Variants in TENM4 observed in about 807,000 individuals in gnomAD.
The protein encoded by TENM4 is teneurin-4.
TENM4 carries 82 observed loss-of-function variants against 243.3 expected under a neutral mutation model. The ratio of observed to expected loss-of-function variants is 0.34; its 90% CI spans 0.28 to 0.40. The LOEUF (loss-of-function observed/expected upper bound fraction) is 0.40, where lower values mean the gene tolerates loss of function less well. Among genes scored for constraint, TENM4 ranks in the 10% least tolerant of loss-of-function variants. TENM4 has a pLI of 1.00. For synonymous variants in TENM4, 1,412 were observed against 1,456.3 expected (o/e 0.97, Z 0.69); for missense variants, 3,138 against 3,673.3 (o/e 0.85, Z 3.77).
chr11:78,864,433 CAAAAAAAAAAAAA>C (rs145489804), intron 9 of TENM4, among the ~76,000 whole-genome samples: 21 of 36,210 alleles, frequency 5.8e-4, no homozygotes, highest in Admixed American at 3.3e-3. Context: ...GACTCCGTCT[CAAAAAAAAAAAAA>C]AAAAAAAAAA....
chr11:78,690,500 A>G (rs1216580850), intron 28 of TENM4, among the ~76,000 whole-genome samples: 1 of 152,208 alleles, frequency 6.6e-6, no homozygotes, highest in Admixed American at 6.5e-5. Flanking sequence ...CATAATCAGA[A>G]AAGTGTTGTG....
At chr11:78,805,242 C>G in intron 15 of TENM4, 50 bp downstream of exon 15, 1 of 141,348 alleles carries the variant, frequency 7.1e-6, no homozygotes, top group Non-Finnish European at 1.0e-5. Flanking sequence ...GACCATGTCA[C>G]AGTGGAAATC....
intron 28 of TENM4, among the ~76,000 whole-genome samples, chr11:78,694,006 C>G (rs188990280): frequency 6.6e-6 from 1 of 152,098 alleles, no homozygotes; most frequent in South Asian, 2.1e-4. Context: ...CAGAGTGAGA[C>G]TCCATCTCAA....
At chr11:78,718,354 C>T (rs574326) in intron 25 of TENM4, among the ~76,000 whole-genome samples, 3 of 152,022 alleles carry the variant, frequency 2.0e-5, no homozygotes, top group Non-Finnish European at 2.9e-5. Context: ...AATTAATTGA[C>T]GAAGGGTTTA....
chr11:78,945,968 A>G (rs186219753), intron 6 of TENM4, among the ~76,000 whole-genome samples: 1 of 152,358 alleles, frequency 6.6e-6, no homozygotes, highest in East Asian at 1.9e-4. Context: ...AGCAGCCTCC[A>G]TAACATAAAA....
chr11:79,427,209 A>G (rs1168293970), intron 1 of TENM4, among the ~76,000 whole-genome samples: 1 of 152,220 alleles, frequency 6.6e-6, no homozygotes, highest in Non-Finnish European at 1.5e-5. Flanking sequence ...CCACAGGCCC[A>G]TCACGGATCA....
Position 78,658,358 on chromosome 11 carries a change from G to A in TENM4, c.8010C>T (p.Tyr2670=), listed in dbSNP as rs34562198. 9,830 of 1,613,878 alleles carry A rather than the reference G, an allele frequency of 6.1e-3. 43 individuals are homozygous for A. The highest frequency in any genetic ancestry group is 7.8e-3 in the Middle Eastern group (47 of 6,062). Residue 2670 remains tyrosine, a synonymous_variant, in exon 34 of 34, where the codon TAC becomes TAT. Coordinates refer to ENST00000278550, the MANE Select transcript of TENM4 (RefSeq NM_001098816.3). ...AGCGTGTGTTCAAGCACAGTGCCCC[G>A]TACTGGAGCTGGATGTCTGTGTAGC... ...TRRYTDIQLQ[Y]GALCLNTRYG... is the part of the protein sequence containing the mutation.
At position 78,903,370 on chromosome 11, in the gene TENM4, G is replaced by A. The variant is rs774156074; in HGVS notation, c.647C>T (p.Thr216Met). The A allele has an allele frequency of 6.6e-7, 1 of 1,515,712 alleles. No individual in the cohort carries two copies. Among genetic ancestry groups the A allele is most frequent in the Non-Finnish European group, 8.8e-7 (1 of 1,131,262 alleles). 93.9% of individuals were successfully genotyped at this position (1,515,712 alleles called of 1,614,324 possible). Reference sequence around the variant, plus strand: ...GGGCTCTCCGGAGAGCGAGTGGTCCGTGGGGGCCGGGCTGGGGTTGCTCCT... The same window carrying A: ...GGGCTCTCCGGAGAGCGAGTGGTCCATGGGGGCCGGGCTGGGGTTGCTCCT... ...TPRSNPSPAP[T>M]DHSLSGEPPA... Residue 216 changes from threonine (T) to methionine (M), a missense_variant, in exon 7 of 34, where the codon ACG becomes ATG. This residue lies in a region of TENM4 where 671 missense variants were observed against 614.1 expected (regional missense o/e 1.09). Transcript: ENST00000278550.
At position 79,295,900 on chromosome 11, in the gene TENM4, C is replaced by CACACAT. The variant is rs1394551778; in HGVS notation, c.-265+1587_-265+1588insATGTGT. ...AGAATTGCCTCCCAGGGATTAAACACACACACACACACACACACACACACA... is the reference window on the plus strand; with the variant it reads ...AGAATTGCCTCCCAGGGATTAAACACACACATACACACACACACACACACACACACA... On this transcript the variant is annotated intron_variant, in intron 2 of 33. Transcript: ENST00000278550. Among the ~76,000 whole-genome samples the CACACAT allele has an allele frequency of 8.0e-4, 112 of 140,348 alleles. 1 individual carries two copies. The highest frequency in any genetic ancestry group is 3.5e-3 in the Middle Eastern group (1 of 282). 92.1% of individuals were successfully genotyped at this position (140,348 alleles called of 152,430 possible). A position where few individuals can be genotyped will look rare whatever the true frequency, so the allele number is the denominator to read the frequency against.
intron 1 of TENM4, among the ~76,000 whole-genome samples, chr11:79,394,438 A>G (rs1858299818): frequency 6.6e-6 from 1 of 152,162 alleles, no homozygotes; most frequent in Non-Finnish European, 1.5e-5. Flanking sequence ...TGAGCAAATC[A>G]CTTTTTGAAC....
At chr11:79,140,670 C>G (rs1862269777) in intron 4 of TENM4, among the ~76,000 whole-genome samples, 1 of 152,122 alleles carries the variant, frequency 6.6e-6, no homozygotes, top group Admixed American at 6.6e-5. Flanking sequence ...AATGGACTCA[C>G]ATTTTTGTAA....
At chr11:78,897,119 G>A (rs991845559) in intron 7 of TENM4, among the ~76,000 whole-genome samples, 9 of 152,018 alleles carry the variant, frequency 5.9e-5, no homozygotes, top group African/African-American at 1.2e-4. Context: ...AGGGGGTGCC[G>A]ACATGAGCAC....
intron 2 of TENM4, among the ~76,000 whole-genome samples, chr11:79,282,410 A>T (rs1856172558): frequency 6.6e-6 from 1 of 152,218 alleles, no homozygotes; most frequent in Non-Finnish European, 1.5e-5. Context: ...GTGACTGCTG[A>T]ATAAATGAAT....
At chr11:78,988,246 G>C (rs1857963619) in intron 6 of TENM4, among the ~76,000 whole-genome samples, 1 of 152,202 alleles carries the variant, frequency 6.6e-6, no homozygotes, top group Non-Finnish European at 1.5e-5. Flanking sequence ...GAGGCCTCCT[G>C]CCAACAGCCA....
intron 2 of TENM4, among the ~76,000 whole-genome samples, chr11:79,229,933 C>A (rs754224088): frequency 1.3e-5 from 2 of 151,720 alleles, no homozygotes; most frequent in South Asian, 4.2e-4. Context: ...CTCAAGTGAT[C>A]CTCCTGCCTT....
chr11:78,856,730 G>C (rs1247443305), intron 10 of TENM4, among the ~76,000 whole-genome samples: 1 of 151,834 alleles, frequency 6.6e-6, no homozygotes. Flanking sequence ...TGTGCTTAGG[G>C]CAGGGTTAGG....
intron 3 of TENM4, among the ~76,000 whole-genome samples, chr11:79,163,449 A>G (rs1450873033): frequency 6.6e-6 from 1 of 151,966 alleles, no homozygotes; most frequent in Non-Finnish European, 1.5e-5. Context: ...GTTCTTGGTT[A>G]GATGAATAAG....
intron 1 of TENM4, among the ~76,000 whole-genome samples, chr11:79,315,068 G>A (rs913350866): frequency 1.3e-5 from 2 of 152,184 alleles, no homozygotes; most frequent in African/African-American, 2.4e-5. Flanking sequence ...CACAGATAAC[G>A]CCTTGTTATT....
At chr11:78,962,129 A>G (rs1387643225) in intron 6 of TENM4, 1 of 152,674 alleles carries the variant, frequency 6.5e-6, no homozygotes, top group Non-Finnish European at 1.5e-5. Flanking sequence ...AAGTAGGAAG[A>G]GAGAGGGACT....
Sources: gnomAD v4.1 joint callset for allele counts (sites outside exome capture counted in the v4.1 genomes callset) on GRCh38, gnomAD v4.1.1 for gene constraint, gnomAD v4.1.1 regional missense constraint, MANE v1.5 for transcripts, NCBI Gene and HGNC (gene_info 2026-07-23, HGNC 2026-07-21) for gene names.